RPL37: variants seen among roughly 807,000 people sequenced by gnomAD.
RPL37 encodes ribosomal protein L37, also known as large ribosomal subunit protein eL37.
Under a neutral mutation model 14.8 loss-of-function variants are expected in RPL37, and 1 was observed. The ratio of observed to expected loss-of-function variants is 0.07; its 90% CI spans 0.02 to 0.32. The LOEUF is 0.32. Among genes scored for constraint, RPL37 ranks in the 10% least tolerant of loss-of-function variants. RPL37 has a pLI of 1.00. For missense variants in RPL37, 100 were observed against 128.3 expected, an observed-to-expected ratio of 0.78 and a Z score of 1.06; for synonymous variants, 53 against 45.8, an observed-to-expected ratio of 1.16 and a Z score of -0.63.
At position 40,834,186 on chromosome 5, in the gene RPL37, T is replaced by A; in HGVS notation, c.219A>T (p.Arg73Ser). 6.2e-7 allele frequency: 1 copy of A among 1,611,834 alleles called. No homozygotes were observed. ...ATCGAACATACAAACTGTACCTGAATCTGCGGTATACAATTTTTAGGTGCC... is the reference window on the plus strand; with the variant it reads ...ATCGAACATACAAACTGTACCTGAAACTGCGGTATACAATTTTTAGGTGCC... ...RMRHLKIVYR[R>S]FRHGFREGTT... Residue 73 changes from arginine (R) to serine (S), a missense_variant, in exon 3 of 4, where the codon AGA (arginine) becomes AGT (serine). Arg to Ser is a moderately radical substitution (Grantham distance 110). Around this residue, in one of 2 missense-constraint regions of RPL37, gnomAD observed 74 missense variants for 69.9 expected, o/e 1.06. Coordinates refer to ENST00000274242, the MANE Select transcript of RPL37 (RefSeq NM_000997.5).
rs1268361869 is a variant in RPL37 at position 40,825,634 on chromosome 5, A to G, written c.*6870T>C. On this transcript the variant is annotated 3_prime_UTR_variant, in exon 4 of 4. Transcript: ENST00000274242. The stretch of plus-strand genomic sequence containing the variant: ...TTTTCCACTCTGACGTAGCTGAGCC[A>G]TACACTACATTGCCTTAGTCCTGTT... The G allele has an allele frequency of 2.0e-5, 3 of 152,234 alleles. No homozygotes were observed. Among genetic ancestry groups the G allele is most frequent in the African/African-American group, 4.8e-5 (2 of 41,446 alleles). 9.4% of individuals were successfully genotyped at this position (152,234 alleles called of 1,614,324 possible).
In RPL37 at chr5:40,830,851, C is replaced by A. The variant is rs1010469116; in HGVS notation, c.*1653G>T. On this transcript the variant is annotated 3_prime_UTR_variant, in exon 4 of 4. Coordinates refer to ENST00000274242, the MANE Select transcript of RPL37 (RefSeq NM_000997.5). ...TTCACTAGACTTAGACTTCTGAAGCCCAAACTGGCCAAACTTCACCAGCTT... is the reference window on the plus strand; with the variant it reads ...TTCACTAGACTTAGACTTCTGAAGCACAAACTGGCCAAACTTCACCAGCTT... The A allele has an allele frequency of 3.3e-5, 5 of 152,020 alleles. No homozygotes were observed. Among genetic ancestry groups the A allele is most frequent in the African/African-American group, 1.2e-4 (5 of 41,360 alleles). The allele number at this position is 152,020 out of a possible 1,614,324, so 9.4% of individuals were successfully genotyped here.
At chr5:40,834,661 G>C in intron 1 of RPL37, 55 bp from the exon 2 acceptor site, 2 of 1,531,572 alleles carry the variant, frequency 1.3e-6, no homozygotes, top group South Asian at 1.2e-5. Context: ...AGATTTACTC[G>C]AGTTCTCCGG....
rs557726370 is a variant in RPL37 at position 40,831,188 on chromosome 5, G to A, written c.*1316C>T. 2.6e-5 allele frequency: 4 copies of A among 152,412 alleles called. No individual in the cohort carries two copies. Among genetic ancestry groups the A allele is most frequent in the East Asian group, 1.9e-4 (1 of 5,248 alleles). The allele number at this position is 152,412 out of a possible 1,614,324, so 9.4% of individuals were successfully genotyped here. The stretch of plus-strand genomic sequence containing the variant: ...TAGTCCCAGCTACTCAGAAGGCTGA[G>A]GCAGGAGAACCACTTGACTTGAGCC... On this transcript the variant is annotated 3_prime_UTR_variant, in exon 4 of 4. Coordinates refer to ENST00000274242, the MANE Select transcript of RPL37 (RefSeq NM_000997.5).
chr5:40,834,432 A>G, intron 2 of RPL37, 39 bp downstream of exon 2: 1 of 1,603,254 alleles, frequency 6.2e-7, no homozygotes, highest in Non-Finnish European at 8.5e-7. Flanking sequence ...TGCAATACAA[A>G]CAAAAGCTAA....
chr5:40,828,248 T>C lies in RPL37; in HGVS notation c.*4256A>G, dbSNP rs1452684796. ...CTTCTAAAGGTTCCTCCATCCCCACTGTCTATTACGCTCGTGGTATCCTTG... is the reference window on the plus strand; with the variant it reads ...CTTCTAAAGGTTCCTCCATCCCCACCGTCTATTACGCTCGTGGTATCCTTG... On this transcript the variant is annotated 3_prime_UTR_variant, in exon 4 of 4. Transcript: ENST00000274242. The C allele has an allele frequency of 6.6e-6, 1 of 152,242 alleles. No individual in the cohort carries two copies. The highest frequency in any genetic ancestry group is 6.5e-5 in the Admixed American group (1 of 15,286). 9.4% of individuals were successfully genotyped at this position (152,242 alleles called of 1,614,324 possible).
At position 40,826,581 on chromosome 5, in the gene RPL37, T is replaced by A. The variant is rs1183866487; in HGVS notation, c.*5923A>T. On this transcript the variant is annotated 3_prime_UTR_variant, in exon 4 of 4. Coordinates refer to ENST00000274242, the MANE Select transcript of RPL37 (RefSeq NM_000997.5). ...AAGCCCTTCAGAGAGCTTTGAAATGTGTTTCGTACAACCATTTAGCTGGGG... is the reference window on the plus strand; with the variant it reads ...AAGCCCTTCAGAGAGCTTTGAAATGAGTTTCGTACAACCATTTAGCTGGGG... 6.6e-6 allele frequency: 1 copy of A among 152,184 alleles called. No homozygotes were observed. Among genetic ancestry groups the A allele is most frequent in the Non-Finnish European group, 1.5e-5 (1 of 68,044 alleles). The allele number at this position is 152,184 out of a possible 1,614,324, so 9.4% of individuals were successfully genotyped here.
rs1345039685 is a variant in RPL37 at position 40,834,563 on chromosome 5, T to C, written c.47A>G (p.His16Arg). Residue 16 changes from histidine to arginine, a missense_variant, in exon 2 of 4, where the codon CAC becomes CGC. By Grantham distance (29) the His-to-Arg change is conservative (BLOSUM62 0). Transcript: ENST00000274242. ...AGAGCCACAGCGGCGGCACAACGTG[T>C]GCGTCTTATTGCGACGCTTTCCAAA... ...SSFGKRRNKT[H>R]TLCRRCGSKA... The C allele has an allele frequency of 1.2e-6, 2 of 1,613,978 alleles. No homozygotes were observed. Among genetic ancestry groups the C allele is most frequent in the Non-Finnish European group, 1.7e-6 (2 of 1,179,986 alleles).
chr5:40,830,637 C>G lies in RPL37; in HGVS notation c.*1867G>C, dbSNP rs974276907. 2.0e-5 allele frequency: 3 copies of G among 152,542 alleles called. No individual in the cohort carries two copies. The Admixed American group carries it at 2.0e-4, about 10-fold the overall frequency. 9.4% of individuals were successfully genotyped at this position (152,542 alleles called of 1,614,324 possible). ...TCAGCCTCTCAAGTAGCTAAGACTA[C>G]AGGCACATGCCACCACACCCAGCTA... On this transcript the variant is annotated 3_prime_UTR_variant, in exon 4 of 4. Transcript: ENST00000274242.
At chr5:40,832,674 G>T in intron 3 of RPL37, 101 bp from the exon 4 acceptor site, 1 of 875,766 alleles carries the variant, frequency 1.1e-6, no homozygotes, top group Non-Finnish European at 2.0e-6. Context: ...TCAGTTAAAT[G>T]CTGAAATCAA....
At chr5:40,835,130 G>A in intron 1 of RPL37, 53 bp downstream of exon 1, 2 of 1,612,902 alleles carry the variant, frequency 1.2e-6, no homozygotes, top group Non-Finnish European at 8.5e-7. Context: ...AAACAGAGAG[G>A]CACAAAGGAC....
rs1745522053 is a variant in RPL37 at position 40,826,548 on chromosome 5, C to CTTCAA, written c.*5951_*5955dup. 3 of 152,254 alleles carry CTTCAA rather than the reference C, an allele frequency of 2.0e-5. No homozygotes were observed. The highest frequency in any genetic ancestry group is 7.2e-5 in the African/African-American group (3 of 41,560). The allele number at this position is 152,254 out of a possible 1,614,324, so 9.4% of individuals were successfully genotyped here. A position where few individuals can be genotyped will look rare whatever the true frequency, so the allele number is the denominator to read the frequency against. On this transcript the variant is annotated 3_prime_UTR_variant, in exon 4 of 4. Coordinates refer to ENST00000274242, the MANE Select transcript of RPL37 (RefSeq NM_000997.5). ...CTACTTTGAAACCCAGTGAAAGGAACTTCAAGGAAGCCCTTCAGAGAGCTT... is the reference window on the plus strand; with the variant it reads ...CTACTTTGAAACCCAGTGAAAGGAACTTCAATTCAAGGAAGCCCTTCAGAGAGCTT...
rs1745596522 is a variant in RPL37 at position 40,829,679 on chromosome 5, A to ACG, written c.*2824_*2825insCG. ...CATCATAGTGTGTGTGTGTGTGTGTATATATATATATATATATATCAACAA... is the reference window on the plus strand; with the variant it reads ...CATCATAGTGTGTGTGTGTGTGTGTACGTATATATATATATATATATCAACAA... On this transcript the variant is annotated 3_prime_UTR_variant, in exon 4 of 4. Transcript: ENST00000274242. 4.6e-5 allele frequency: 1 copy of ACG among 21,670 alleles called. No homozygotes were observed. The highest frequency in any genetic ancestry group is 1.9e-4 in the African/African-American group (1 of 5,388). The allele number at this position is 21,670 out of a possible 1,614,324, so 1.3% of individuals were successfully genotyped here.
chr5:40,831,833 G>T lies in RPL37; in HGVS notation c.*671C>A, dbSNP rs1043300641. ...TTGCCTTTAGTCTACAAATCTCAGG[G>T]ATTATACTTGATTTTCCTTTATTTC... On this transcript the variant is annotated 3_prime_UTR_variant, in exon 4 of 4. Coordinates refer to ENST00000274242, the MANE Select transcript of RPL37 (RefSeq NM_000997.5). 8.5e-5 allele frequency: 13 copies of T among 152,476 alleles called. No homozygotes were observed. The highest frequency in any genetic ancestry group is 2.0e-4 in the Admixed American group (3 of 15,286). The allele number at this position is 152,476 out of a possible 1,614,324, so 9.4% of individuals were successfully genotyped here. A position where few individuals can be genotyped will look rare whatever the true frequency, so the allele number is the denominator to read the frequency against.
At chr5:40,833,327 T>A (rs911968877) in intron 3 of RPL37, among the ~76,000 whole-genome samples, 3 of 152,316 alleles carry the variant, frequency 2.0e-5, no homozygotes, top group Middle Eastern at 6.8e-3. Context: ...CAGCCCAAAG[T>A]ATCAATAGCT....
Position 40,828,042 on chromosome 5 carries a change from T to C in RPL37, c.*4462A>G, listed in dbSNP as rs1745555366. On this transcript the variant is annotated 3_prime_UTR_variant, in exon 4 of 4. Coordinates refer to ENST00000274242, the MANE Select transcript of RPL37 (RefSeq NM_000997.5). ...TCTTTCTCTGAAACAAGTTCTTCAG[T>C]AAAATAATTCTGTAATGTATTGCTT... 1 of 152,258 alleles carries C rather than the reference T, an allele frequency of 6.6e-6. No homozygotes were observed. The highest frequency in any genetic ancestry group is 1.5e-5 in the Non-Finnish European group (1 of 68,032). 9.4% of individuals were successfully genotyped at this position (152,258 alleles called of 1,614,324 possible). A position where few individuals can be genotyped will look rare whatever the true frequency, so the allele number is the denominator to read the frequency against.
In RPL37 at chr5:40,835,216, G is replaced by C; in HGVS notation, c.-31C>G. ...TTCTGCGGCCGAGACCAGAAAGACC[G>C]GAAGAGAAGGCACTTCCGCTATATC... On this transcript the variant is annotated 5_prime_UTR_variant, in exon 1 of 4. Coordinates refer to ENST00000274242, the MANE Select transcript of RPL37 (RefSeq NM_000997.5). 1 of 1,613,818 alleles carries C rather than the reference G, an allele frequency of 6.2e-7. No homozygotes were observed.
rs1223200743 is a variant in RPL37, at chr5:40,826,274, A to G, written c.*6230T>C. ...ATTTTTCCTACTTTGGGTAACTATC[A>G]AAAGTCTCACACACACACACAACCC... On this transcript the variant is annotated 3_prime_UTR_variant, in exon 4 of 4. Coordinates refer to ENST00000274242, the MANE Select transcript of RPL37 (RefSeq NM_000997.5). The G allele has an allele frequency of 6.6e-6, 1 of 152,146 alleles. No individual in the cohort carries two copies. The highest frequency in any genetic ancestry group is 2.4e-5 in the African/African-American group (1 of 41,432). The allele number at this position is 152,146 out of a possible 1,614,324, so 9.4% of individuals were successfully genotyped here.
Position 40,832,487 on chromosome 5 carries a change from A to C in RPL37, c.*17T>G, listed in dbSNP as rs1745663688. On this transcript the variant is annotated 3_prime_UTR_variant, in exon 4 of 4. Coordinates refer to ENST00000274242, the MANE Select transcript of RPL37 (RefSeq NM_000997.5). ...TTAAAACCAGAACATTTATTGCATG[A>C]CTAATCGTTGACATTCTTAAGATGA... 1 of 1,606,078 alleles carries C rather than the reference A, an allele frequency of 6.2e-7. No homozygotes were observed.
Sources: gnomAD v4.1 joint callset for allele counts (sites outside exome capture counted in the v4.1 genomes callset) on GRCh38, gnomAD v4.1.1 for gene constraint, gnomAD v4.1.1 regional missense constraint, MANE v1.5 for transcripts, NCBI Gene and HGNC (gene_info 2026-07-23, HGNC 2026-07-21) for gene names.